The following TENM4 variants were observed in gnomAD, a reference collection of about 807,000 sequenced individuals.
TENM4 encodes the protein teneurin transmembrane protein 4.
TENM4 carries 82 observed loss-of-function variants against 243.3 expected under a neutral mutation model. The ratio of observed to expected loss-of-function variants is 0.34; its 90% CI spans 0.28 to 0.40. The LOEUF is 0.40. Among genes scored for constraint, TENM4 ranks in the 10% least tolerant of loss-of-function variants. TENM4 has a pLI of 1.00. For missense variants in TENM4, 3,138 were observed against 3,673.3 expected (o/e 0.85, Z 3.77); for synonymous variants, 1,412 against 1,456.3 (o/e 0.97, Z 0.69).
intron 12 of TENM4, among the ~76,000 whole-genome samples, chr11:78,816,697 T>A (rs967561255): frequency 7.2e-5 from 11 of 152,194 alleles, no homozygotes; most frequent in Non-Finnish European, 1.5e-4. Context: ...AAAAGGTTAG[T>A]TAAGCAGGCA....
chr11:79,095,841 G>C (rs772456859), intron 4 of TENM4, among the ~76,000 whole-genome samples: 3 of 152,222 alleles, frequency 2.0e-5, no homozygotes, highest in South Asian at 2.1e-4. Context: ...AGGAGTTAAT[G>C]CCTCACAGAT....
chr11:78,976,118 C>T (rs1032620529), intron 6 of TENM4, among the ~76,000 whole-genome samples: 3 of 152,134 alleles, frequency 2.0e-5, no homozygotes, highest in African/African-American at 7.2e-5. Flanking sequence ...AGTTTACTTC[C>T]TTGATCTTTC....
At chr11:79,113,625 T>C (rs762646104) in intron 4 of TENM4, among the ~76,000 whole-genome samples, 3 of 151,246 alleles carry the variant, frequency 2.0e-5, no homozygotes, top group Non-Finnish European at 4.4e-5. Context: ...CCAATGACAA[T>C]GTTAACTCTC....
At chr11:79,306,633 C>T (rs479358) in intron 1 of TENM4, among the ~76,000 whole-genome samples, 84,616 of 151,520 alleles carry the variant, frequency 0.56, 24,878 homozygotes, top group East Asian at 0.77. Context: ...CATTCAGTAC[C>T]AACTATGCCC....
rs530225265 is a variant in TENM4, at chr11:78,669,046, G to A, written c.7299C>T (p.His2433=). The change falls in exon 32 of 34, where the codon CAC becomes CAT. Residue 2433 remains histidine, a synonymous_variant. Transcript: ENST00000278550. The surrounding 1 kb of genome is among the most constrained non-coding windows in gnomAD (Gnocchi z 6.4). The part of the protein sequence containing the change: ...VLAGRWTSPD[H]ELWKHLSSSN... ...TGCTACTAAGGTGCTTCCACAGCTC[G>A]TGGTCTGGGCTAGTCCAGCGTCCGG... The A allele has an allele frequency of 3.0e-5, 49 of 1,613,952 alleles. No homozygotes were observed. Among genetic ancestry groups the A allele is most frequent in the South Asian group, 2.7e-4 (25 of 91,068 alleles).
chr11:79,404,857 A>C (rs575577149), intron 1 of TENM4, among the ~76,000 whole-genome samples: 2 of 151,190 alleles, frequency 1.3e-5, no homozygotes, highest in Non-Finnish European at 3.0e-5. Flanking sequence ...TTATGGTACA[A>C]TAGAAGACAG....
chr11:79,404,222 C>A (rs896405035), intron 1 of TENM4, among the ~76,000 whole-genome samples: 3 of 152,210 alleles, frequency 2.0e-5, no homozygotes, highest in Non-Finnish European at 4.4e-5. Flanking sequence ...AATGAATTCA[C>A]ACAGACATTT....
intron 1 of TENM4, among the ~76,000 whole-genome samples, chr11:79,439,925 C>G (rs1453652959): frequency 4.6e-5 from 7 of 152,022 alleles, no homozygotes; most frequent in Non-Finnish European, 8.8e-5. Flanking sequence ...CGGCCGGGCG[C>G]CCGGTGAGGA....
chr11:79,248,657 C>T (rs1476277013), intron 2 of TENM4, among the ~76,000 whole-genome samples: 1 of 152,222 alleles, frequency 6.6e-6, no homozygotes. Flanking sequence ...CACCTTTCTG[C>T]CTTCTCCTCC....
In TENM4 at chr11:78,657,584, C is replaced by A. The variant is rs570905656; in HGVS notation, c.*474G>T. 7.1e-5 allele frequency: 19 copies of A among 269,230 alleles called. No individual in the cohort carries two copies. Among genetic ancestry groups the A allele is most frequent in the Middle Eastern group, 2.3e-3 (2 of 858 alleles). The allele number at this position is 269,230 out of a possible 1,614,324, so 16.7% of individuals were successfully genotyped here. A position where few individuals can be genotyped will look rare whatever the true frequency, so the allele number is the denominator to read the frequency against. On this transcript the variant is annotated 3_prime_UTR_variant, in exon 34 of 34. Transcript: ENST00000278550. ...GGTCCTACAGACCCTCCTCCCAGGC[C>A]CCCTTGGAAGGGGTGTTGTACTGGC...
intron 4 of TENM4, among the ~76,000 whole-genome samples, chr11:79,140,717 T>C (rs901622092): frequency 1.3e-5 from 2 of 151,890 alleles, no homozygotes; most frequent in Non-Finnish European, 2.9e-5. Flanking sequence ...GAAGCCTTCG[T>C]TGTCAGATCT....
chr11:78,871,892 T>C (rs1371770394), intron 9 of TENM4, among the ~76,000 whole-genome samples: 2 of 152,158 alleles, frequency 1.3e-5, no homozygotes, highest in African/African-American at 4.8e-5. Context: ...GGATTATTAT[T>C]AAAGAAACAA....
intron 9 of TENM4, among the ~76,000 whole-genome samples, chr11:78,874,901 T>C (rs565242452): frequency 2.0e-5 from 3 of 152,336 alleles, no homozygotes; most frequent in Admixed American, 6.5e-5. Context: ...CTCAAGGGCA[T>C]GATCAATCTA....
In TENM4 at chr11:79,143,379, A is replaced by G. The variant is rs533867228; in HGVS notation, c.-66+5331T>C. On this transcript the variant is annotated intron_variant, in intron 4 of 33. Coordinates refer to ENST00000278550, the MANE Select transcript of TENM4 (RefSeq NM_001098816.3). ...TGATGAGTTCATGTCCTTTGTAGGG[A>G]CATGGATGAAGCTGGAAACCATCAT... 7.2e-3 allele frequency among the ~76,000 whole-genome samples: 1,100 copies of G among 152,220 alleles called. 13 individuals carry two copies. Among genetic ancestry groups the G allele is most frequent in the African/African-American group, 0.025 (1,035 of 41,534 alleles).
At chr11:78,926,862 A>G (rs1352913432) in intron 6 of TENM4, among the ~76,000 whole-genome samples, 3 of 152,268 alleles carry the variant, frequency 2.0e-5, no homozygotes, top group Non-Finnish European at 2.9e-5. Context: ...CATCAGTGAC[A>G]TGGGCTTTTG....
chr11:79,296,346 C>A (rs900094804), intron 2 of TENM4, among the ~76,000 whole-genome samples: 13 of 152,176 alleles, frequency 8.5e-5, no homozygotes, highest in African/African-American at 2.4e-4. Flanking sequence ...GTCACTCCTT[C>A]CACCCATGGT....
chr11:78,862,007 T>C (rs1005425947), intron 10 of TENM4, among the ~76,000 whole-genome samples: 7 of 152,226 alleles, frequency 4.6e-5, no homozygotes, highest in African/African-American at 1.7e-4. Flanking sequence ...GTCCATGGCA[T>C]GTTAGAAATA....
At chr11:79,294,419 C>T (rs905917058) in intron 2 of TENM4, among the ~76,000 whole-genome samples, 3 of 152,206 alleles carry the variant, frequency 2.0e-5, no homozygotes, top group African/African-American at 7.2e-5. Context: ...CTCTGGGACA[C>T]ATGGCTTGGC....
chr11:78,787,190 T>G, intron 15 of TENM4, 107 bp from the exon 16 acceptor site: 1 of 1,329,736 alleles, frequency 7.5e-7, no homozygotes, highest in African/African-American at 1.5e-5. Context: ...ATTGAGCAAG[T>G]TATTGTTGGA....
Sources: allele counts gnomAD v4.1 joint callset (sites outside exome capture counted in the v4.1 genomes callset), GRCh38; gene constraint gnomAD v4.1.1; non-coding constraint Gnocchi (gnomAD v3.1); transcripts MANE v1.5; gene names NCBI Gene and HGNC (gene_info 2026-07-23, HGNC 2026-07-21).